The following DENND11 variants were observed in gnomAD, a reference collection of about 807,000 sequenced individuals.
DENND11 encodes DENN domain containing 11, also known as DENN domain-containing protein 11.
A neutral mutation model predicts 49.2 loss-of-function variants in DENND11; 34 were observed. That is an observed-to-expected ratio of 0.69 (90% CI 0.53 to 0.92). The LOEUF (loss-of-function observed/expected upper bound fraction) is 0.92. Ranked by LOEUF, DENND11 falls within the 40% of genes least tolerant of loss-of-function variation. The probability of loss-of-function intolerance (pLI) is 0.00; values close to 1 mark genes in which losing one functional copy is unlikely to be tolerated. For synonymous variants in DENND11, 238 were observed against 230.3 expected, an observed-to-expected ratio of 1.03 and a Z score of -0.30; for missense variants, 475 against 581.6, an observed-to-expected ratio of 0.82 and a Z score of 1.88.
chr7:141,699,719 T>G (rs1798475622), intron 1 of DENND11, among the ~76,000 whole-genome samples: 1 of 152,238 alleles, frequency 6.6e-6, no homozygotes, highest in Admixed American at 6.5e-5. Context: ...AAGTATTTAT[T>G]GGCTACTTAA....
chr7:141,677,402 AAT>A (rs1212482936), intron 3 of DENND11, among the ~76,000 whole-genome samples: 36 of 75,858 alleles, frequency 4.7e-4, no homozygotes, highest in South Asian at 1.1e-3. Flanking sequence ...AAAAAAAAAA[AAT>A]ATATATATAT....
chr7:141,680,405 T>C (rs1798131104), intron 3 of DENND11, among the ~76,000 whole-genome samples: 1 of 152,042 alleles, frequency 6.6e-6, no homozygotes, highest in South Asian at 2.1e-4. Flanking sequence ...AAATGAACTG[T>C]GATTACTGAG....
At chr7:141,697,708 C>T (rs1247842929) in intron 1 of DENND11, among the ~76,000 whole-genome samples, 1 of 152,018 alleles carries the variant, frequency 6.6e-6, no homozygotes, top group Non-Finnish European at 1.5e-5. Flanking sequence ...GACACCAGAC[C>T]TAGCCCTATT....
At position 141,661,595 on chromosome 7, in the gene DENND11, T is replaced by C. The variant is rs1420497707; in HGVS notation, c.*1061A>G. ...AAGTGTGTTTGTGAGGGGTCCAAAATGATAAACCGTCTTGTTAGCATCATG... is the reference window on the plus strand; with the variant it reads ...AAGTGTGTTTGTGAGGGGTCCAAAACGATAAACCGTCTTGTTAGCATCATG... On this transcript the variant is annotated 3_prime_UTR_variant, in exon 9 of 9. Transcript: ENST00000536163. The C allele has an allele frequency of 6.6e-6, 1 of 152,254 alleles. No homozygotes were observed. Among genetic ancestry groups the C allele is most frequent in the Non-Finnish European group, 1.5e-5 (1 of 68,072 alleles). The allele number at this position is 152,254 out of a possible 1,614,324, so 9.4% of individuals were successfully genotyped here.
chr7:141,689,218 G>T (rs569843313), intron 1 of DENND11, among the ~76,000 whole-genome samples: 58 of 152,244 alleles, frequency 3.8e-4, no homozygotes, highest in Non-Finnish European at 7.5e-4. Context: ...CCTATCAATG[G>T]TAGACCGGAT....
chr7:141,666,250 G>A (rs778874573), intron 5 of DENND11, 37 bp downstream of exon 5: 36 of 1,552,980 alleles, frequency 2.3e-5, no homozygotes, highest in Non-Finnish European at 3.1e-5. Flanking sequence ...CTGCTCCAGG[G>A]ATTTAAGCAG....
At position 141,674,194 on chromosome 7, in the gene DENND11, T is replaced by A; in HGVS notation, c.554A>T (p.Tyr185Phe). 1 of 1,549,456 alleles carries A rather than the reference T, an allele frequency of 6.5e-7. No homozygotes were observed. Among genetic ancestry groups the A allele is most frequent in the Non-Finnish European group, 8.7e-7 (1 of 1,147,394 alleles). ...VRHQLEMPGH[Y>F]SHLAAFYEDK... ...CTCATAGAAGGCAGCCAGATGAGAG[T>A]AATGTCCTGGCATCTCCAACTGGTG... Residue 185 changes from tyrosine to phenylalanine, a missense_variant, in exon 4 of 9, where the codon TAC (tyrosine) becomes TTC (phenylalanine). Transcript: ENST00000536163.
intron 1 of DENND11, among the ~76,000 whole-genome samples, chr7:141,688,704 A>G (rs1224396596): frequency 6.6e-6 from 1 of 152,126 alleles, no homozygotes; most frequent in Non-Finnish European, 1.5e-5. Flanking sequence ...TTCACAGTCC[A>G]GTCGTTTTTT....
chr7:141,685,587 G>A lies in DENND11; in HGVS notation c.418C>T (p.Pro140Ser), dbSNP rs764846203. The A allele has an allele frequency of 6.2e-7, 1 of 1,613,968 alleles. No individual in the cohort carries two copies. Among genetic ancestry groups the A allele is most frequent in the South Asian group, 1.1e-5 (1 of 91,082 alleles). ...FFGLACFANMPVESELERGAR... is the reference protein window; with the variant it reads ...FFGLACFANMSVESELERGAR... ...CCACGTTCCAGCTCGCTCTCCACGG[G>A]CATGTTGGCAAAGCAGGCCAGGCCG... Residue 140 changes from proline to serine, a missense_variant, in exon 3 of 9, where the codon CCC becomes TCC. Physicochemically the swap from Pro to Ser is moderately conservative, Grantham distance 74 (BLOSUM62 -1). Transcript: ENST00000536163.
chr7:141,695,646 C>A (rs1467291678), intron 1 of DENND11, among the ~76,000 whole-genome samples: 2 of 152,206 alleles, frequency 1.3e-5, no homozygotes, highest in Non-Finnish European at 2.9e-5. Context: ...TTCCAGATAT[C>A]CTCACTGTAT....
intron 3 of DENND11, among the ~76,000 whole-genome samples, chr7:141,675,407 G>C (rs544945189): frequency 1.8e-4 from 28 of 152,172 alleles, no homozygotes; most frequent in Non-Finnish European, 3.4e-4. Context: ...ACTTTGTTAT[G>C]CAGCCCCGGA....
intron 5 of DENND11, 103 bp downstream of exon 5, chr7:141,666,184 G>T: frequency 2.3e-6 from 3 of 1,305,360 alleles, no homozygotes; most frequent in South Asian, 1.8e-5. Context: ...CCCATCCCCT[G>T]GATGTGGCCC....
At chr7:141,674,267 C>T (rs1798032235) in intron 3 of DENND11, 47 bp from the exon 4 acceptor site, 3 of 1,485,614 alleles carry the variant, frequency 2.0e-6, no homozygotes, top group African/African-American at 3.0e-5. Flanking sequence ...ACAGTGAGAA[C>T]AGCCCTGGTC....
chr7:141,673,908 T>C (rs772575640), intron 4 of DENND11, among the ~76,000 whole-genome samples, 159 bp downstream of exon 4: 1 of 152,216 alleles, frequency 6.6e-6, no homozygotes, highest in Non-Finnish European at 1.5e-5. Flanking sequence ...CCTTATGTTT[T>C]AAAAAAACCA....
At chr7:141,663,083 G>A (rs752567362) in intron 8 of DENND11, 1 of 402,342 alleles carries the variant, frequency 2.5e-6, no homozygotes, top group East Asian at 3.8e-5. Context: ...AAATCTCTAA[G>A]CAAGATGGCC....
intron 5 of DENND11, 127 bp downstream of exon 5, chr7:141,666,159 TC>T: frequency 2.0e-6 from 2 of 1,005,050 alleles, no homozygotes; most frequent in Non-Finnish European, 2.8e-6. Flanking sequence ...ATCAGTTCAC[TC>T]CCGGGCTTAA....
chr7:141,669,656 G>GAT (rs907266079), intron 4 of DENND11, among the ~76,000 whole-genome samples: 34 of 150,342 alleles, frequency 2.3e-4, no homozygotes, highest in East Asian at 7.7e-4. Flanking sequence ...AAAGCTTAAA[G>GAT]ATATATATAT....
rs1399365075 is a variant in DENND11, at chr7:141,657,261, T to C, written c.*5395A>G. The C allele has an allele frequency of 3.9e-5, 6 of 152,306 alleles. No homozygotes were observed. Among genetic ancestry groups the C allele is most frequent in the Non-Finnish European group, 7.3e-5 (5 of 68,038 alleles). 9.4% of individuals were successfully genotyped at this position (152,306 alleles called of 1,614,324 possible). A position where few individuals can be genotyped will look rare whatever the true frequency, so the allele number is the denominator to read the frequency against. ...TTTTGGGTAAATAAAGGAAATTCAT[T>C]TTGCTTTCCTCTGCTCTGTCCCTGA... On this transcript the variant is annotated 3_prime_UTR_variant, in exon 9 of 9. Coordinates refer to ENST00000536163, the MANE Select transcript of DENND11 (RefSeq NM_001080392.2).
At chr7:141,664,347 C>T (rs766368304) in intron 7 of DENND11, 107 bp from the exon 8 acceptor site, 13 of 813,768 alleles carry the variant, frequency 1.6e-5, no homozygotes, top group Non-Finnish European at 2.4e-5. Context: ...CAGGAAGCAG[C>T]ACCAGCCAGG....
Sources: allele counts gnomAD v4.1 joint callset (sites outside exome capture counted in the v4.1 genomes callset), GRCh38; gene constraint gnomAD v4.1.1; transcripts MANE v1.5; gene names NCBI Gene and HGNC (gene_info 2026-07-23, HGNC 2026-07-21).